Variants in ERBB4 observed in about 807,000 individuals in gnomAD.
ERBB4 encodes erb-b2 receptor tyrosine kinase 4.
Under a neutral mutation model 158.0 loss-of-function variants are expected in ERBB4, and 42 were observed. That is an observed-to-expected ratio of 0.27 (90% CI 0.21 to 0.34). The LOEUF is 0.34. ERBB4 is among the 10% of genes least tolerant of loss of function. The probability of loss-of-function intolerance (pLI) is 1.00; values close to 1 mark genes in which losing one functional copy is unlikely to be tolerated. For missense variants in ERBB4, 1,333 were observed against 1,624.1 expected (o/e 0.82, Z 3.08); for synonymous variants, 583 against 558.7 (o/e 1.04, Z -0.61).
intron 1 of ERBB4, among the ~76,000 whole-genome samples, chr2:212,397,653 C>T (rs1442310724): frequency 6.6e-6 from 1 of 152,012 alleles, no homozygotes; most frequent in Non-Finnish European, 1.5e-5. Context: ...TTCTGCCAAG[C>T]TTATGGTCAA....
rs556075221 is a variant in ERBB4 at position 212,216,994 on chromosome 2, T to G, written c.83-92091A>C. 1.3e-5 allele frequency among the ~76,000 whole-genome samples: 2 copies of G among 151,556 alleles called. 1 individual carries two copies. Among genetic ancestry groups the G allele is most frequent in the South Asian group, 4.1e-4 (2 of 4,826 alleles). On this transcript the variant is annotated intron_variant, in intron 1 of 27. Coordinates refer to ENST00000342788, the MANE Select transcript of ERBB4 (RefSeq NM_005235.3). ...TTCCTTGCAATATCCTTCACATGTA[T>G]GTGTTAAGATTGCAGATCAAGGCAT...
chr2:212,470,723 T>C (rs1322106539), intron 1 of ERBB4, among the ~76,000 whole-genome samples: 2 of 152,108 alleles, frequency 1.3e-5, no homozygotes, highest in African/African-American at 4.8e-5. Flanking sequence ...TGCCCGTTAT[T>C]AGCTGGGTAA....
At chr2:211,882,007 A>T (rs2078677671) in intron 3 of ERBB4, among the ~76,000 whole-genome samples, 1 of 152,184 alleles carries the variant, frequency 6.6e-6, no homozygotes, top group South Asian at 2.1e-4. Flanking sequence ...GAGAAAGTTA[A>T]CCAAATCTTT....
chr2:212,295,363 A>G (rs994937594), intron 1 of ERBB4, among the ~76,000 whole-genome samples: 2 of 152,098 alleles, frequency 1.3e-5, no homozygotes, highest in African/African-American at 4.8e-5. Flanking sequence ...ACACAGCTAT[A>G]GTGGAATTTC....
chr2:211,809,629 T>C (rs189707509), intron 3 of ERBB4, among the ~76,000 whole-genome samples: 191 of 152,336 alleles, frequency 1.3e-3, no homozygotes, highest in Non-Finnish European at 2.5e-3. Context: ...GTTGATCTTT[T>C]CCAAAAACCA....
At chr2:211,736,228 T>C (rs1422304254) in intron 5 of ERBB4, among the ~76,000 whole-genome samples, 1 of 152,012 alleles carries the variant, frequency 6.6e-6, no homozygotes, top group East Asian at 1.9e-4. Context: ...ACCTTTGTAG[T>C]GTTTTTCAAA....
intron 2 of ERBB4, among the ~76,000 whole-genome samples, chr2:211,967,928 T>G (rs2081348633): frequency 1.3e-5 from 2 of 151,980 alleles, no homozygotes; most frequent in African/African-American, 4.8e-5. Context: ...GTCTTTTCTC[T>G]GTGGGGATGT....
chr2:211,974,697 G>A (rs1214446531), intron 2 of ERBB4, among the ~76,000 whole-genome samples: 1 of 152,174 alleles, frequency 6.6e-6, no homozygotes, highest in African/African-American at 2.4e-5. Flanking sequence ...AGAGGCTGCA[G>A]TGAGCCAAGG....
At chr2:212,343,177 G>A (rs575882864) in intron 1 of ERBB4, among the ~76,000 whole-genome samples, 63 of 152,110 alleles carry the variant, frequency 4.1e-4, no homozygotes, top group African/African-American at 1.3e-3. Flanking sequence ...TCCTTGACCC[G>A]CTGCTTAGGC....
At chr2:212,187,975 TATA>T (rs1183839350) in intron 1 of ERBB4, among the ~76,000 whole-genome samples, 1 of 152,162 alleles carries the variant, frequency 6.6e-6, no homozygotes, top group Non-Finnish European at 1.5e-5. Flanking sequence ...ACTTCAATCC[TATA>T]ATATTATTTG....
At chr2:211,943,613 C>G (rs2080568325) in intron 3 of ERBB4, among the ~76,000 whole-genome samples, 1 of 152,066 alleles carries the variant, frequency 6.6e-6, no homozygotes, top group South Asian at 2.1e-4. Context: ...AAGTTCCTCA[C>G]TCCTTTATAG....
At chr2:211,829,371 T>G (rs961856799) in intron 3 of ERBB4, among the ~76,000 whole-genome samples, 2 of 152,138 alleles carry the variant, frequency 1.3e-5, no homozygotes, top group Admixed American at 6.6e-5. Context: ...TATATAATAT[T>G]TGATTGTTGA....
intron 1 of ERBB4, among the ~76,000 whole-genome samples, chr2:212,517,853 G>C (rs1318212741): frequency 6.6e-6 from 1 of 152,044 alleles, no homozygotes; most frequent in African/African-American, 2.4e-5. Context: ...CAAATGAGAG[G>C]CATCATCTTG....
At chr2:212,020,373 C>T (rs1248182721) in intron 2 of ERBB4, among the ~76,000 whole-genome samples, 1 of 152,044 alleles carries the variant, frequency 6.6e-6, no homozygotes, top group African/African-American at 2.4e-5. Flanking sequence ...GGATTATCAG[C>T]CTTCTCACTT....
intron 3 of ERBB4, among the ~76,000 whole-genome samples, chr2:211,833,741 G>C: frequency 6.6e-6 from 1 of 151,760 alleles, no homozygotes; most frequent in East Asian, 2.0e-4. Context: ...CAGCATTCTT[G>C]GCTAACATGG....
intron 1 of ERBB4, among the ~76,000 whole-genome samples, chr2:212,346,279 A>G (rs2088994650): frequency 1.3e-5 from 2 of 149,098 alleles, no homozygotes; most frequent in African/African-American, 5.0e-5. Context: ...TAAGTATTTG[A>G]TACCTATTTT....
chr2:212,121,077 T>A (rs2079732916), intron 2 of ERBB4, among the ~76,000 whole-genome samples: 1 of 152,212 alleles, frequency 6.6e-6, no homozygotes, highest in African/African-American at 2.4e-5. Flanking sequence ...TTCAAAGGTA[T>A]AATTTGAAAT....
intron 3 of ERBB4, among the ~76,000 whole-genome samples, chr2:211,841,111 C>G (rs1272036554): frequency 6.6e-6 from 1 of 151,976 alleles, no homozygotes; most frequent in Non-Finnish European, 1.5e-5. Flanking sequence ...CATTAATATA[C>G]TTTATGAAGA....
chr2:211,669,923 G>C (rs561115863), intron 14 of ERBB4, among the ~76,000 whole-genome samples: 1 of 152,136 alleles, frequency 6.6e-6, no homozygotes, highest in Admixed American at 6.6e-5. Flanking sequence ...ATTTTAAAGG[G>C]AGAAAGTGAT....
Sources: allele counts gnomAD v4.1 joint callset (sites outside exome capture counted in the v4.1 genomes callset), GRCh38; gene constraint gnomAD v4.1.1; transcripts MANE v1.5; gene names NCBI Gene and HGNC (gene_info 2026-07-23, HGNC 2026-07-21).